Variants in GLI3 observed in about 807,000 individuals in gnomAD.
The protein encoded by GLI3 is transcription activator GLI3.
In GLI3, 20 loss-of-function variants were observed where a neutral mutation model predicts 100.8. The ratio of observed to expected loss-of-function variants is 0.20; its 90% CI spans 0.14 to 0.29. The LOEUF is 0.29. GLI3 is among the 10% of genes least tolerant of loss of function. The pLI is 1.00. For missense variants in GLI3, 2,040 were observed against 2,128.5 expected, an observed-to-expected ratio of 0.96 and a Z score of 0.82; for synonymous variants, 938 against 860.5, an observed-to-expected ratio of 1.09 and a Z score of -1.58.
chr7:42,031,948 A>G (rs1297869038), intron 7 of GLI3, among the ~76,000 whole-genome samples: 3 of 152,254 alleles, frequency 2.0e-5, no homozygotes, highest in Non-Finnish European at 4.4e-5. Context: ...ATACATCAGA[A>G]ATCAGACATA....
intron 1 of GLI3, among the ~76,000 whole-genome samples, chr7:42,251,379 A>ATGC (rs1789030112): frequency 6.6e-6 from 1 of 152,204 alleles, no homozygotes; most frequent in Admixed American, 6.5e-5. Context: ...TGAGAATCTA[A>ATGC]TGCTGCTGCT....
At chr7:41,992,525 TG>T (rs1788016560) in intron 10 of GLI3, among the ~76,000 whole-genome samples, 1 of 152,122 alleles carries the variant, frequency 6.6e-6, no homozygotes, top group African/African-American at 2.4e-5. Context: ...ATGTTATCTT[TG>T]GTAAACTAAA....
At chr7:42,244,750 G>T (rs531254979) in intron 1 of GLI3, among the ~76,000 whole-genome samples, 4 of 152,156 alleles carry the variant, frequency 2.6e-5, no homozygotes, top group African/African-American at 9.6e-5. Flanking sequence ...GAAAGGTGCT[G>T]GGTAGATAGC....
intron 2 of GLI3, among the ~76,000 whole-genome samples, chr7:42,200,936 TAAAC>T (rs1394350788): frequency 6.6e-6 from 1 of 152,196 alleles, no homozygotes. Context: ...CTCTAGGACT[TAAAC>T]AATAAAATTA....
intron 2 of GLI3, among the ~76,000 whole-genome samples, chr7:42,213,362 A>C (rs906081145): frequency 3.9e-5 from 6 of 152,154 alleles, no homozygotes; most frequent in African/African-American, 1.4e-4. Context: ...CGGGAATGAA[A>C]AGTTTTAATT....
chr7:42,047,026 C>T (rs1327947297), intron 5 of GLI3, among the ~76,000 whole-genome samples: 5 of 151,942 alleles, frequency 3.3e-5, no homozygotes, highest in African/African-American at 9.7e-5. Context: ...CGTGGTGGTG[C>T]ACACCAGTGG....
At chr7:42,064,498 C>A (rs752957925) in intron 4 of GLI3, among the ~76,000 whole-genome samples, 2 of 152,090 alleles carry the variant, frequency 1.3e-5, no homozygotes, top group East Asian at 1.9e-4. Flanking sequence ...ACTTGTTTTA[C>A]GAAGATGATC....
chr7:42,130,505 A>T (rs951858850), intron 3 of GLI3, among the ~76,000 whole-genome samples: 1 of 152,260 alleles, frequency 6.6e-6, no homozygotes, highest in South Asian at 2.1e-4. Flanking sequence ...CTTAGAAATT[A>T]AGATTATGAC....
At chr7:42,239,730 CT>C (rs746295545), upstream of GLI3, among the ~76,000 whole-genome samples, 27 of 152,306 alleles carry the variant, frequency 1.8e-4, no homozygotes, top group Non-Finnish European at 3.4e-4. Context: ...ATCTTTCCCC[CT>C]ATGCCCGTCA....
At chr7:42,134,459 A>G (rs1347056465) in intron 3 of GLI3, among the ~76,000 whole-genome samples, 1 of 152,186 alleles carries the variant, frequency 6.6e-6, no homozygotes, top group African/African-American at 2.4e-5. Flanking sequence ...TAAACAAAAC[A>G]TGCCAAATGC....
At chr7:42,262,205 CTTCTTTCCTTCCTTCCTTCT>C (rs1789150150) in intron 1 of GLI3, among the ~76,000 whole-genome samples, 1 of 119,100 alleles carries the variant, frequency 8.4e-6, no homozygotes, top group Non-Finnish European at 1.7e-5. Flanking sequence ...TTTTTCCTTC[CTTCTTTCCTTCCTTCCTTCT>C]TTCCTTCCTT....
intron 3 of GLI3, among the ~76,000 whole-genome samples, chr7:42,132,377 G>C (rs1583585448): frequency 1.3e-5 from 2 of 152,298 alleles, no homozygotes; most frequent in East Asian, 3.9e-4. Context: ...TGGGATTACA[G>C]GCGTGAGCCA....
intron 3 of GLI3, among the ~76,000 whole-genome samples, chr7:42,120,377 A>G (rs1785966109): frequency 1.3e-5 from 2 of 152,148 alleles, no homozygotes; most frequent in South Asian, 4.1e-4. Context: ...GAATTATTCC[A>G]GCTTGTGCCG....
intron 3 of GLI3, among the ~76,000 whole-genome samples, chr7:42,088,647 C>T (rs568109201): frequency 1.3e-5 from 2 of 152,342 alleles, no homozygotes; most frequent in South Asian, 4.1e-4. Context: ...CTCCATGATT[C>T]CTGCAGTCCA....
intron 1 of GLI3, among the ~76,000 whole-genome samples, chr7:42,228,962 T>C (rs1788639407): frequency 1.3e-5 from 2 of 152,098 alleles, no homozygotes; most frequent in Non-Finnish European, 2.9e-5. Flanking sequence ...TGAGAAAAAA[T>C]TAGCTTTTCT....
At chr7:42,250,772 G>C (rs948825086) in intron 1 of GLI3, among the ~76,000 whole-genome samples, 1 of 152,194 alleles carries the variant, frequency 6.6e-6, no homozygotes, top group Non-Finnish European at 1.5e-5. Flanking sequence ...GGGTGGGGGG[G>C]CTGCCATTTT....
intron 3 of GLI3, among the ~76,000 whole-genome samples, chr7:42,116,331 AC>A (rs1465504849): frequency 6.6e-6 from 1 of 152,072 alleles, no homozygotes; most frequent in Non-Finnish European, 1.5e-5. Flanking sequence ...GGTAAAATTC[AC>A]CCAGGAAACA....
intron 10 of GLI3, among the ~76,000 whole-genome samples, chr7:42,013,503 A>G (rs1788674908): frequency 6.6e-6 from 1 of 151,990 alleles, no homozygotes; most frequent in African/African-American, 2.4e-5. Flanking sequence ...AGCTGGGACT[A>G]CAGGTGTGCC....
intron 1 of GLI3, among the ~76,000 whole-genome samples, chr7:42,224,680 C>T (rs371112333): frequency 6.6e-6 from 1 of 152,222 alleles, no homozygotes; most frequent in East Asian, 1.9e-4. Context: ...CAGAGACACC[C>T]CTCAAAGGGC....
Sources: allele counts gnomAD v4.1 joint callset (sites outside exome capture counted in the v4.1 genomes callset), GRCh38; gene constraint gnomAD v4.1.1; transcripts MANE v1.5; gene names NCBI Gene and HGNC (gene_info 2026-07-23, HGNC 2026-07-21).